USP7: variants seen among roughly 807,000 people sequenced by gnomAD.
USP7 encodes ubiquitin C-terminal hydrolase 7.
USP7 carries 9 observed loss-of-function variants against 162.9 expected under a neutral mutation model. The ratio of observed to expected loss-of-function variants is 0.06; its 90% CI spans 0.03 to 0.10. The LOEUF is 0.10. Ranked by LOEUF, USP7 falls within the 10% of genes least tolerant of loss-of-function variation. The pLI, the probability that USP7 is intolerant of heterozygous loss-of-function variation, is 1.00. For missense variants in USP7, 715 were observed against 1,373.7 expected (o/e 0.52, Z 7.58); for synonymous variants, 562 against 475.9 (o/e 1.18, Z -2.35).
chr16:8,926,460 C>CA (rs1456473650), intron 2 of USP7, among the ~76,000 whole-genome samples: 2 of 151,782 alleles, frequency 1.3e-5, no homozygotes, highest in Non-Finnish European at 2.9e-5. Flanking sequence ...GCCTGGGCAA[C>CA]AAGAGCAAAA....
In USP7 at chr16:8,893,406, T is replaced by C. The variant is rs1169553438; in HGVS notation, c.*592A>G. The C allele has an allele frequency of 1.9e-5, 3 of 154,248 alleles. No homozygotes were observed. The highest frequency in any genetic ancestry group is 4.3e-5 in the Non-Finnish European group (3 of 69,336). The allele number at this position is 154,248 out of a possible 1,614,324, so 9.6% of individuals were successfully genotyped here. A position where few individuals can be genotyped will look rare whatever the true frequency, so the allele number is the denominator to read the frequency against. Reference sequence around the variant, plus strand: ...TTTGCAAAGGGGCTGCAGACAGTAGTGGCTGACGAGGTGAGACAAGTTTAT... The same window carrying C: ...TTTGCAAAGGGGCTGCAGACAGTAGCGGCTGACGAGGTGAGACAAGTTTAT... On this transcript the variant is annotated 3_prime_UTR_variant, in exon 31 of 31. Transcript: ENST00000344836.
chr16:8,951,543 T>C (rs1027732559), intron 1 of USP7, among the ~76,000 whole-genome samples: 1 of 152,160 alleles, frequency 6.6e-6, no homozygotes, highest in African/African-American at 2.4e-5. Flanking sequence ...ATATCCTATT[T>C]GCTCATCTGT....
At chr16:8,942,667 G>A (rs917182144) in intron 1 of USP7, among the ~76,000 whole-genome samples, 7 of 152,092 alleles carry the variant, frequency 4.6e-5, no homozygotes, top group Admixed American at 3.3e-4. Flanking sequence ...CCCACCTCAA[G>A]CTCTTGAGCA....
In USP7 at chr16:8,903,318, A is replaced by C; in HGVS notation, c.1789T>G (p.Leu597Val). 3 of 1,614,172 alleles carry C rather than the reference A, an allele frequency of 1.9e-6. No individual in the cohort carries two copies. Among genetic ancestry groups the C allele is most frequent in the Non-Finnish European group, 2.5e-6 (3 of 1,180,016 alleles). The change falls in exon 16 of 31, where the codon TTG (leucine) becomes GTG (valine). Residue 597 changes from leucine to valine, a missense_variant. Coordinates refer to ENST00000344836, the MANE Select transcript of USP7 (RefSeq NM_003470.3). ...EKVKYTVFKV[L>V]KNSSLAEFVQ... ...AACTCAGCAAGCGAGGAGTTCTTCA[A>C]TACTTTGAACACAGTGTATTTCACT...
At chr16:8,933,403 G>C (rs182417685) in intron 1 of USP7, among the ~76,000 whole-genome samples, 1 of 152,226 alleles carries the variant, frequency 6.6e-6, no homozygotes, top group African/African-American at 2.4e-5. Flanking sequence ...AAAAAATTCA[G>C]GTACCAAGCG....
rs186589282 is a variant in USP7 at position 8,946,991 on chromosome 16, G to A, written c.79+16216C>T. Among the ~76,000 whole-genome samples the A allele has an allele frequency of 6.7e-4, 102 of 152,264 alleles. No individual in the cohort carries two copies. In the Middle Eastern group the frequency reaches 0.01, roughly 15 times the overall value. The stretch of plus-strand genomic sequence containing the variant: ...CATGACGAACTTAAGGTAATGGGGC[G>A]GGGTGAATTAACCTTCATTAAGTTA... On this transcript the variant is annotated intron_variant, in intron 1 of 30. Coordinates refer to ENST00000344836, the MANE Select transcript of USP7 (RefSeq NM_003470.3).
intron 6 of USP7, 48 bp from the exon 7 acceptor site, chr16:8,917,204 G>A: frequency 6.5e-7 from 1 of 1,549,382 alleles, no homozygotes; most frequent in Non-Finnish European, 8.7e-7. Flanking sequence ...AGATGCAGGG[G>A]AATTTAAAAA....
intron 1 of USP7, among the ~76,000 whole-genome samples, chr16:8,955,784 G>A (rs1489465562): frequency 1.3e-5 from 2 of 149,816 alleles, no homozygotes; most frequent in Non-Finnish European, 3.0e-5. Context: ...AAGTCTTATT[G>A]ATGAAATGTG....
chr16:8,913,048 G>A (rs1465691898), intron 10 of USP7, among the ~76,000 whole-genome samples: 1 of 151,754 alleles, frequency 6.6e-6, no homozygotes, highest in Admixed American at 6.6e-5. Context: ...CCAGTGAGAA[G>A]GAAAAAACCT....
intron 2 of USP7, among the ~76,000 whole-genome samples, chr16:8,927,128 C>T (rs902130383): frequency 6.6e-6 from 1 of 152,092 alleles, no homozygotes; most frequent in Admixed American, 6.5e-5. Flanking sequence ...GACCAGCAGC[C>T]TGGCCAACAT....
At chr16:8,935,696 G>C (rs1173807236) in intron 1 of USP7, 1 of 152,182 alleles carries the variant, frequency 6.6e-6, no homozygotes, top group Admixed American at 6.5e-5. Flanking sequence ...TCCATTATTG[G>C]TGATTGCTAG....
At chr16:8,947,576 G>A (rs1040622634) in intron 1 of USP7, among the ~76,000 whole-genome samples, 11 of 152,104 alleles carry the variant, frequency 7.2e-5, no homozygotes, top group South Asian at 2.1e-4. Flanking sequence ...TCGAACTTCC[G>A]GCCTCAAGTG....
At chr16:8,899,569 G>A (rs780310729) in intron 22 of USP7, 35 bp downstream of exon 22, 42 of 1,602,514 alleles carry the variant, frequency 2.6e-5, no homozygotes, top group South Asian at 1.2e-4. Flanking sequence ...TTTCTGGAGT[G>A]GGATCTGAAG....
At chr16:8,945,937 T>C (rs893355730) in intron 1 of USP7, among the ~76,000 whole-genome samples, 15 of 151,950 alleles carry the variant, frequency 9.9e-5, no homozygotes, top group Admixed American at 7.2e-4. Context: ...AGAAATCACA[T>C]TACCTGATTA....
intron 6 of USP7, among the ~76,000 whole-genome samples, chr16:8,917,983 G>A (rs1004265996): frequency 5.3e-5 from 8 of 151,710 alleles, no homozygotes; most frequent in Non-Finnish European, 1.0e-4. Context: ...CTAGAGACGG[G>A]GTTTCACCAT....
chr16:8,910,299 G>T (rs972520478), intron 11 of USP7, among the ~76,000 whole-genome samples: 1 of 152,112 alleles, frequency 6.6e-6, no homozygotes, highest in African/African-American at 2.4e-5. Context: ...AAACCTGGGG[G>T]ACACAACCCT....
intron 1 of USP7, among the ~76,000 whole-genome samples, chr16:8,950,366 T>C (rs964278107): frequency 1.1e-4 from 17 of 152,166 alleles, no homozygotes; most frequent in African/African-American, 3.9e-4. Context: ...AACAGTATTT[T>C]AAGAAAAATA....
chr16:8,959,657 G>A (rs1271613453), intron 1 of USP7, among the ~76,000 whole-genome samples: 3 of 152,194 alleles, frequency 2.0e-5, no homozygotes, highest in Non-Finnish European at 4.4e-5. Flanking sequence ...TTTGACTTTT[G>A]TCTCGTTACA....
At chr16:8,915,795 T>A (rs1897339390) in intron 8 of USP7, among the ~76,000 whole-genome samples, 1 of 152,230 alleles carries the variant, frequency 6.6e-6, no homozygotes, top group African/African-American at 2.4e-5. Flanking sequence ...ATTTTTATAT[T>A]TTTTACCTCT....
Sources: gnomAD v4.1 joint callset for allele counts (sites outside exome capture counted in the v4.1 genomes callset) on GRCh38, gnomAD v4.1.1 for gene constraint, MANE v1.5 for transcripts, NCBI Gene and HGNC (gene_info 2026-07-23, HGNC 2026-07-21) for gene names.